Variants in LRRTM4 observed in about 807,000 individuals in gnomAD.
The protein encoded by LRRTM4 is leucine-rich repeat transmembrane neuronal protein 4.
A neutral mutation model predicts 47.6 loss-of-function variants in LRRTM4; 25 were observed. The observed-to-expected ratio is 0.53, with a 90% CI of 0.38 to 0.73. The LOEUF is 0.73. LRRTM4 is among the 30% of genes least tolerant of loss of function. The pLI, the probability that LRRTM4 is intolerant of heterozygous loss-of-function variation, is 0.00. For synonymous variants in LRRTM4, 311 were observed against 269.5 expected, an observed-to-expected ratio of 1.15 and a Z score of -1.51; for missense variants, 638 against 713.4, an observed-to-expected ratio of 0.89 and a Z score of 1.20.
At chr2:76,968,383 T>TACACACAC (rs1553437948) in intron 3 of LRRTM4, among the ~76,000 whole-genome samples, 5 of 111,426 alleles carry the variant, frequency 4.5e-5, no homozygotes, top group South Asian at 6.3e-4. Context: ...TATATATATA[T>TACACACAC]ACACATACAT....
chr2:76,814,645 G>A (rs564952628), intron 3 of LRRTM4, among the ~76,000 whole-genome samples: 1 of 152,002 alleles, frequency 6.6e-6, no homozygotes, highest in Admixed American at 6.6e-5. Context: ...GAGAGGAGGG[G>A]TGTAGGTTAT....
At chr2:76,813,403 A>AT (rs1670802952) in intron 3 of LRRTM4, among the ~76,000 whole-genome samples, 1 of 152,158 alleles carries the variant, frequency 6.6e-6, no homozygotes, top group Non-Finnish European at 1.5e-5. Context: ...GACTTTGTCT[A>AT]ATGTCAGAGA....
chr2:77,061,483 G>A (rs1573515690), intron 3 of LRRTM4, among the ~76,000 whole-genome samples: 1 of 152,264 alleles, frequency 6.6e-6, no homozygotes, highest in African/African-American at 2.4e-5. Flanking sequence ...CTTTCAAAGT[G>A]AGATCAGCGC....
chr2:77,374,518 A>T (rs898296714), intron 3 of LRRTM4, among the ~76,000 whole-genome samples: 1 of 151,848 alleles, frequency 6.6e-6, no homozygotes, highest in Admixed American at 6.6e-5. Context: ...ATATTTGCAT[A>T]GATTTTCATC....
At chr2:77,442,604 T>A (rs1433207509) in intron 3 of LRRTM4, among the ~76,000 whole-genome samples, 2 of 152,150 alleles carry the variant, frequency 1.3e-5, no homozygotes, top group African/African-American at 4.8e-5. Flanking sequence ...ATAAACAAGA[T>A]CTTAGTATGT....
At chr2:76,753,638 G>C (rs908192696) in intron 3 of LRRTM4, among the ~76,000 whole-genome samples, 1 of 152,126 alleles carries the variant, frequency 6.6e-6, no homozygotes, top group African/African-American at 2.4e-5. Context: ...GTTAGGGAGA[G>C]AGCGTATTTT....
chr2:76,765,326 G>C (rs1673414928), intron 3 of LRRTM4, among the ~76,000 whole-genome samples: 1 of 152,164 alleles, frequency 6.6e-6, no homozygotes. Flanking sequence ...GATATTATTT[G>C]AGAGTTTGGA....
At chr2:76,783,271 C>A (rs1283189095) in intron 3 of LRRTM4, among the ~76,000 whole-genome samples, 1 of 152,078 alleles carries the variant, frequency 6.6e-6, no homozygotes, top group East Asian at 1.9e-4. Flanking sequence ...ATCTGGGAAT[C>A]CACCTTTCCA....
chr2:77,268,791 GC>G (rs770374399), intron 3 of LRRTM4, among the ~76,000 whole-genome samples: 4 of 152,100 alleles, frequency 2.6e-5, no homozygotes, highest in Non-Finnish European at 4.4e-5. Context: ...CACTAAACTA[GC>G]CATAATGACT....
intron 3 of LRRTM4, among the ~76,000 whole-genome samples, chr2:76,843,579 G>C (rs1421216030): frequency 1.3e-5 from 2 of 152,094 alleles, no homozygotes; most frequent in Non-Finnish European, 2.9e-5. Flanking sequence ...AATTATTTTT[G>C]TACATCTGGT....
At chr2:77,217,468 T>TATATATAC (rs1338917871) in intron 3 of LRRTM4, among the ~76,000 whole-genome samples, 21 of 134,226 alleles carry the variant, frequency 1.6e-4, no homozygotes, top group African/African-American at 4.3e-4. Context: ...TATATATATA[T>TATATATAC]ACTAAGCCTT....
In LRRTM4 at chr2:77,217,468, T is replaced by TATATATATATATATATATATAC. The variant is rs1338917871; in HGVS notation, c.1551+300849_1551+300850insGTATATATATATATATATATAT. Among the ~76,000 whole-genome samples the TATATATATATATATATATATAC allele has an allele frequency of 7.4e-4, 99 of 134,202 alleles. 4 individuals carry two copies. The highest frequency in any genetic ancestry group is 1.3e-3 in the African/African-American group (45 of 34,496). The allele number at this position is 134,202 out of a possible 152,430, so 88.0% of individuals were successfully genotyped here. The stretch of plus-strand genomic sequence containing the variant: ...ATATATATATATATATATATATATA[T>TATATATATATATATATATATAC]ACTAAGCCTTTAATTTAAAAAGATA... On this transcript the variant is annotated intron_variant, in intron 3 of 3. Coordinates refer to ENST00000409884, the MANE Select transcript of LRRTM4 (RefSeq NM_001134745.3).
At chr2:77,125,956 T>A (rs1022562157) in intron 3 of LRRTM4, among the ~76,000 whole-genome samples, 6 of 150,894 alleles carry the variant, frequency 4.0e-5, no homozygotes, top group Non-Finnish European at 1.5e-5. Flanking sequence ...ATATGCAGTA[T>A]GTGTGTATAT....
In LRRTM4 at chr2:76,968,350, A is replaced by ATGTGTG. The variant is rs1365550397; in HGVS notation, c.1552-219435_1552-219434insCACACA. Among the ~76,000 whole-genome samples, 808 of 103,556 alleles carry ATGTGTG rather than the reference A, an allele frequency of 7.8e-3. 18 individuals carry two copies. The highest frequency in any genetic ancestry group is 0.051 in the East Asian group (162 of 3,174). The allele number at this position is 103,556 out of a possible 152,430, so 67.9% of individuals were successfully genotyped here. On this transcript the variant is annotated intron_variant, in intron 3 of 3. Transcript: ENST00000409884. ...AAAGTGTGTATGTGTGTATATATAT[A>ATGTGTG]TATATATATATATATATATATATAT...
intron 3 of LRRTM4, among the ~76,000 whole-genome samples, chr2:77,103,773 G>T (rs1355803471): frequency 6.6e-6 from 1 of 150,902 alleles, no homozygotes; most frequent in Non-Finnish European, 1.5e-5. Flanking sequence ...CAAAGGGAAA[G>T]GTTGCCCTGT....
At chr2:76,976,963 A>G (rs1408495021) in intron 3 of LRRTM4, among the ~76,000 whole-genome samples, 1 of 151,732 alleles carries the variant, frequency 6.6e-6, no homozygotes, top group Non-Finnish European at 1.5e-5. Context: ...ATAGATATGT[A>G]CATTATGTGT....
intron 3 of LRRTM4, among the ~76,000 whole-genome samples, chr2:76,933,376 C>T (rs954464130): frequency 5.3e-5 from 8 of 152,004 alleles, no homozygotes; most frequent in South Asian, 2.1e-4. Context: ...TATTCTCACA[C>T]GGTCATACAA....
intron 3 of LRRTM4, among the ~76,000 whole-genome samples, chr2:76,784,490 G>C (rs1195336553): frequency 6.6e-6 from 1 of 152,016 alleles, no homozygotes; most frequent in South Asian, 2.1e-4. Context: ...TATGAATGCT[G>C]TGTTTTTCTC....
chr2:77,143,351 A>G (rs533416757), intron 3 of LRRTM4, among the ~76,000 whole-genome samples: 1 of 152,190 alleles, frequency 6.6e-6, no homozygotes, highest in South Asian at 2.1e-4. Context: ...AGGTGACTTT[A>G]AGATAATTTC....
Sources: allele counts gnomAD v4.1 joint callset (sites outside exome capture counted in the v4.1 genomes callset), GRCh38; gene constraint gnomAD v4.1.1; transcripts MANE v1.5; gene names NCBI Gene and HGNC (gene_info 2026-07-23, HGNC 2026-07-21).